ASTN2: variants seen among roughly 807,000 people sequenced by gnomAD.
The protein encoded by ASTN2 is astrotactin-2.
ASTN2 carries 54 observed loss-of-function variants against 139.8 expected under a neutral mutation model. The ratio of observed to expected loss-of-function variants is 0.39; its 90% CI spans 0.31 to 0.48. The LOEUF (loss-of-function observed/expected upper bound fraction) is 0.48, where lower values mean the gene tolerates loss of function less well. Among genes scored for constraint, ASTN2 ranks in the 20% least tolerant of loss-of-function variants. The pLI, the probability that ASTN2 is intolerant of heterozygous loss-of-function variation, is 0.95. For synonymous variants in ASTN2, 756 were observed against 719.5 expected (o/e 1.05, Z -0.81); for missense variants, 1,565 against 1,725.1 (o/e 0.91, Z 1.64).
chr9:116,980,392 A>G (rs563813387), intron 7 of ASTN2, among the ~76,000 whole-genome samples: 17 of 146,308 alleles, frequency 1.2e-4, no homozygotes, highest in Non-Finnish European at 2.1e-4. Flanking sequence ...AGTTGAATTA[A>G]AAAAAAAAAA....
chr9:117,285,890 C>A (rs1010934800), intron 2 of ASTN2, among the ~76,000 whole-genome samples: 22 of 152,192 alleles, frequency 1.4e-4, no homozygotes, highest in Admixed American at 1.4e-3. Context: ...CCTCAAAATT[C>A]TTTTCTTCTC....
At chr9:116,431,595 G>T (rs1847499496) in intron 22 of ASTN2, among the ~76,000 whole-genome samples, 1 of 152,136 alleles carries the variant, frequency 6.6e-6, no homozygotes. Flanking sequence ...CCATGGAAGA[G>T]AAGATTTAGG....
intron 5 of ASTN2, among the ~76,000 whole-genome samples, chr9:117,080,815 G>GTCA (rs1276352019): frequency 6.6e-6 from 1 of 152,080 alleles, no homozygotes; most frequent in Admixed American, 6.6e-5. Flanking sequence ...AAGGGCTGGA[G>GTCA]TCATGTCTTG....
intron 13 of ASTN2, among the ~76,000 whole-genome samples, chr9:116,738,149 G>A (rs371862512): frequency 5.4e-4 from 80 of 147,910 alleles, no homozygotes; most frequent in African/African-American, 1.8e-3. Context: ...CCGAGATCGC[G>A]CCACTGCACT....
intron 7 of ASTN2, among the ~76,000 whole-genome samples, chr9:116,992,613 A>T (rs1176362588): frequency 1.3e-5 from 2 of 152,118 alleles, no homozygotes; most frequent in Non-Finnish European, 2.9e-5. Flanking sequence ...TGTATCACAT[A>T]CCTGCTTCAG....
intron 19 of ASTN2, among the ~76,000 whole-genome samples, chr9:116,514,060 G>C (rs928118556): frequency 1.3e-5 from 2 of 151,940 alleles, no homozygotes; most frequent in African/African-American, 4.8e-5. Flanking sequence ...CGTTCCTTTG[G>C]AGGTGGAGAG....
intron 7 of ASTN2, among the ~76,000 whole-genome samples, chr9:116,995,651 G>T (rs995389919): frequency 2.0e-5 from 3 of 152,102 alleles, no homozygotes; most frequent in African/African-American, 7.2e-5. Flanking sequence ...ATAGGCTTGT[G>T]GTTTAGAGGG....
intron 19 of ASTN2, among the ~76,000 whole-genome samples, chr9:116,564,547 T>C (rs1853086934): frequency 6.6e-6 from 1 of 152,230 alleles, no homozygotes; most frequent in Non-Finnish European, 1.5e-5. Context: ...GTAATGATAC[T>C]TGCATCAACT....
intron 13 of ASTN2, among the ~76,000 whole-genome samples, chr9:116,751,642 A>G (rs1228246337): frequency 6.6e-6 from 1 of 152,146 alleles, no homozygotes; most frequent in East Asian, 1.9e-4. Flanking sequence ...TACTGCTGGA[A>G]TTAATAAGTG....
chr9:116,996,836 C>T (rs766711846), intron 7 of ASTN2, among the ~76,000 whole-genome samples: 1 of 151,886 alleles, frequency 6.6e-6, no homozygotes, highest in African/African-American at 2.4e-5. Context: ...TATTTAGAAC[C>T]TTCCTGGATT....
intron 13 of ASTN2, among the ~76,000 whole-genome samples, chr9:116,734,262 G>C (rs1224402338): frequency 6.6e-6 from 1 of 152,128 alleles, no homozygotes; most frequent in African/African-American, 2.4e-5. Context: ...GCCAGTCCCA[G>C]GGAACAGAAG....
At chr9:117,017,620 A>G (rs1011301041) in intron 6 of ASTN2, among the ~76,000 whole-genome samples, 2 of 152,332 alleles carry the variant, frequency 1.3e-5, no homozygotes, top group South Asian at 2.1e-4. Flanking sequence ...TAGAGCTTCT[A>G]TGGAAATTAA....
chr9:117,236,872 A>G (rs1384986201), intron 2 of ASTN2, among the ~76,000 whole-genome samples: 2 of 152,234 alleles, frequency 1.3e-5, no homozygotes, highest in African/African-American at 2.4e-5. Flanking sequence ...AACACCTAGT[A>G]AATGCTACAT....
chr9:117,162,853 T>C (rs1023690852), intron 3 of ASTN2, among the ~76,000 whole-genome samples: 8 of 152,036 alleles, frequency 5.3e-5, no homozygotes, highest in East Asian at 1.9e-4. Flanking sequence ...AGAGAAATTA[T>C]TGGATTCATA....
intron 3 of ASTN2, among the ~76,000 whole-genome samples, chr9:117,144,992 T>TAAA (rs1554782840): frequency 6.6e-6 from 1 of 151,206 alleles, no homozygotes. Context: ...TCTTTTTTTT[T>TAAA]AAAAACTTTT....
At chr9:116,908,292 G>A (rs770043751) in intron 10 of ASTN2, among the ~76,000 whole-genome samples, 8 of 152,150 alleles carry the variant, frequency 5.3e-5, no homozygotes, top group Non-Finnish European at 1.0e-4. Context: ...TGTTTGCTCT[G>A]TAAGCCCAAA....
At chr9:117,109,324 C>T (rs990536907) in intron 4 of ASTN2, among the ~76,000 whole-genome samples, 1 of 142,654 alleles carries the variant, frequency 7.0e-6, no homozygotes, top group Non-Finnish European at 1.5e-5. Flanking sequence ...CAGAGGGAGA[C>T]CCTGTCTCAA....
chr9:116,731,266 CCAA>C (rs1322901090), intron 14 of ASTN2, among the ~76,000 whole-genome samples: 2 of 151,248 alleles, frequency 1.3e-5, no homozygotes, highest in African/African-American at 4.9e-5. Context: ...TAGGAAATCT[CCAA>C]GGATCCTTGA....
At chr9:117,237,203 G>T (rs1410587421) in intron 2 of ASTN2, among the ~76,000 whole-genome samples, 1 of 152,058 alleles carries the variant, frequency 6.6e-6, no homozygotes, top group Admixed American at 6.5e-5. Context: ...GACAAAAAAC[G>T]CAATTACTTT....
Sources: gnomAD v4.1 joint callset for allele counts (sites outside exome capture counted in the v4.1 genomes callset) on GRCh38, gnomAD v4.1.1 for gene constraint, MANE v1.5 for transcripts, NCBI Gene and HGNC (gene_info 2026-07-23, HGNC 2026-07-21) for gene names.